PDIA4: variants seen among roughly 807,000 people sequenced by gnomAD.
The protein encoded by PDIA4 is protein disulfide-isomerase A4.
A neutral mutation model predicts 62.1 loss-of-function variants in PDIA4; 33 were observed. That is an observed-to-expected ratio of 0.53 (90% CI 0.40 to 0.71). The LOEUF (loss-of-function observed/expected upper bound fraction) is 0.71, where lower values mean the gene tolerates loss of function less well. PDIA4 is among the 30% of genes least tolerant of loss of function. PDIA4 has a pLI of 0.00. For missense variants in PDIA4, 804 were observed against 813.6 expected (o/e 0.99, Z 0.14); for synonymous variants, 341 against 324.1 (o/e 1.05, Z -0.56).
At chr7:149,010,430 G>C (rs561917660) in intron 6 of PDIA4, among the ~76,000 whole-genome samples, 1 of 151,946 alleles carries the variant, frequency 6.6e-6, no homozygotes, top group Non-Finnish European at 1.5e-5. Flanking sequence ...GGAGGTCAAG[G>C]CTGCAGTGAG....
At chr7:149,008,596 G>C (rs1356894124) in intron 6 of PDIA4, among the ~76,000 whole-genome samples, 2 of 152,086 alleles carry the variant, frequency 1.3e-5, no homozygotes, top group Admixed American at 1.3e-4. Flanking sequence ...CCAACTACTT[G>C]GGAGGCTGAG....
intron 4 of PDIA4, among the ~76,000 whole-genome samples, chr7:149,013,176 G>A (rs560746789): frequency 3.3e-5 from 5 of 151,946 alleles, no homozygotes; most frequent in African/African-American, 1.2e-4. Context: ...TGAACCCAGG[G>A]GGCGGAGGTT....
At chr7:149,028,241 G>A (rs1824629345) in intron 1 of PDIA4, 80 bp downstream of exon 1, 4 of 1,060,756 alleles carry the variant, frequency 3.8e-6, no homozygotes, top group Non-Finnish European at 5.3e-6. Flanking sequence ...CCCGCCCGCC[G>A]GGGTCGCAGG....
In PDIA4 at chr7:149,014,900, T is replaced by A; in HGVS notation, c.614+4A>T. ...AATATGGAAAGGGCCTGACACCACC[T>A]TACCATGGGGCATAAAACTCCACCA... On this transcript the variant is annotated splice_donor_region_variant and intron_variant, in intron 4 of 9. Transcript: ENST00000652332. The A allele has an allele frequency of 3.1e-6, 5 of 1,613,980 alleles. No individual in the cohort carries two copies. Among genetic ancestry groups the A allele is most frequent in the Non-Finnish European group, 4.2e-6 (5 of 1,179,880 alleles).
At chr7:149,025,081 A>AT in intron 1 of PDIA4, among the ~76,000 whole-genome samples, 1 of 24,106 alleles carries the variant, frequency 4.1e-5, no homozygotes, top group East Asian at 6.4e-4. Flanking sequence ...AAAAAAAAAA[A>AT]AAAAATATAT....
At chr7:149,006,725 A>T (rs1823770132) in intron 7 of PDIA4, among the ~76,000 whole-genome samples, 2 of 152,154 alleles carry the variant, frequency 1.3e-5, no homozygotes, top group African/African-American at 4.8e-5. Flanking sequence ...ACAGCACTGG[A>T]GGGTGGGATG....
chr7:149,017,082 C>CA (rs1824162073), intron 3 of PDIA4, among the ~76,000 whole-genome samples: 1 of 152,128 alleles, frequency 6.6e-6, no homozygotes, highest in Non-Finnish European at 1.5e-5. Flanking sequence ...GATGAGATGC[C>CA]AAGGCCTGGC....
chr7:149,005,499 A>G (rs752808799), intron 8 of PDIA4, 125 bp from the exon 9 acceptor site: 12 of 656,126 alleles, frequency 1.8e-5, no homozygotes, highest in Non-Finnish European at 3.2e-5. Flanking sequence ...GATTTACCTC[A>G]ATTGGAGGGA....
Position 149,005,883 on chromosome 7 carries a change from T to TG in PDIA4, c.1288+13dup. 5.4e-6 allele frequency: 8 copies of TG among 1,490,974 alleles called. No individual in the cohort carries two copies. The highest frequency in any genetic ancestry group is 7.1e-6 in the Non-Finnish European group (8 of 1,127,760). 92.4% of individuals were successfully genotyped at this position (1,490,974 alleles called of 1,614,324 possible). A position where few individuals can be genotyped will look rare whatever the true frequency, so the allele number is the denominator to read the frequency against. On this transcript the variant is annotated intron_variant, in intron 8 of 9. Coordinates refer to ENST00000652332, the MANE Select transcript of PDIA4 (RefSeq NM_004911.5). ...CACCCCCCACCCCCGCAGGTCTTGG[T>TG]GGGGGTCCCTCACCAGCTCTGTAAT...
intron 6 of PDIA4, among the ~76,000 whole-genome samples, chr7:149,009,754 A>G (rs1327110152): frequency 6.6e-6 from 1 of 152,198 alleles, no homozygotes; most frequent in East Asian, 1.9e-4. Flanking sequence ...GTGTGGACAA[A>G]GCTGTGTTCC....
intron 2 of PDIA4, 49 bp downstream of exon 2, chr7:149,020,918 A>G (rs374118119): frequency 1.4e-5 from 22 of 1,592,530 alleles, no homozygotes; most frequent in Non-Finnish European, 1.9e-5. Context: ...GGCTGAGCGA[A>G]TGGAGCACAG....
chr7:149,021,576 G>A (rs139319519), intron 1 of PDIA4, among the ~76,000 whole-genome samples: 217 of 150,708 alleles, frequency 1.4e-3, no homozygotes, highest in African/African-American at 5.2e-3. Context: ...GGCCCACCAC[G>A]TCATTGGCTG....
chr7:149,004,150 T>C lies in PDIA4; in HGVS notation c.1582A>G (p.Lys528Glu). 1.2e-6 allele frequency: 2 copies of C among 1,614,144 alleles called. No homozygotes were observed. Among genetic ancestry groups the C allele is most frequent in the Non-Finnish European group, 1.7e-6 (2 of 1,180,022 alleles). The change falls in exon 10 of 10, where the codon AAG (lysine) becomes GAG (glutamate). Residue 528 changes from lysine to glutamate, a missense_variant. Physicochemically the swap from Lys to Glu is moderately conservative, Grantham distance 56 (BLOSUM62 1). Coordinates refer to ENST00000652332, the MANE Select transcript of PDIA4 (RefSeq NM_004911.5). ...PVPKNNKGPV[K>E]VVVGKTFDSI... ...TCAAAGGTCTTTCCCACCACGACCT[T>C]GACGGGTCCCTTGTTGTTCTTGGGC...
At chr7:149,019,727 C>T (rs1824276580) in intron 2 of PDIA4, among the ~76,000 whole-genome samples, 2 of 152,192 alleles carry the variant, frequency 1.3e-5, no homozygotes, top group South Asian at 4.1e-4. Flanking sequence ...ACAAGAATTG[C>T]TTGAACCCAG....
chr7:149,025,651 G>A (rs1027524819), intron 1 of PDIA4, among the ~76,000 whole-genome samples: 1 of 152,108 alleles, frequency 6.6e-6, no homozygotes, highest in African/African-American at 2.4e-5. Flanking sequence ...TTAGCGGAGG[G>A]TCCTGACCAC....
chr7:149,022,171 C>A (rs1219720748), intron 1 of PDIA4, among the ~76,000 whole-genome samples: 3 of 152,094 alleles, frequency 2.0e-5, no homozygotes, highest in Non-Finnish European at 4.4e-5. Context: ...TAAAAAATAG[C>A]CCTTCAGGTT....
rs1323398150 is a variant in PDIA4, at chr7:149,024,597, G to A, written c.89-3450C>T. The stretch of plus-strand genomic sequence containing the variant: ...TGGGAGGCTGAGACGGGCAGATCAC[G>A]AGGTCAGGAGATTAAGACCCTCCTG... On this transcript the variant is annotated intron_variant, in intron 1 of 9. Transcript: ENST00000652332. 2.6e-5 allele frequency among the ~76,000 whole-genome samples: 4 copies of A among 151,752 alleles called. No homozygotes were observed. The South Asian group carries it at 6.2e-4, about 24-fold the overall frequency.
chr7:149,019,924 T>A lies in PDIA4; in HGVS notation c.270-727A>T, dbSNP rs998410935. Reference sequence around the variant, plus strand: ...CTCACTTCTTAAGAATGTTAAGGTCTCTTTGAACTAAAAAGTATGAAATCT... The same window carrying A: ...CTCACTTCTTAAGAATGTTAAGGTCACTTTGAACTAAAAAGTATGAAATCT... On this transcript the variant is annotated intron_variant, in intron 2 of 9. Transcript: ENST00000652332. Among the ~76,000 whole-genome samples, 4 of 152,204 alleles carry A rather than the reference T, an allele frequency of 2.6e-5. No homozygotes were observed. The East Asian group carries it at 7.7e-4, about 29-fold the overall frequency.
At chr7:149,016,084 C>CAGG (rs1362418485) in intron 3 of PDIA4, among the ~76,000 whole-genome samples, 1 of 152,168 alleles carries the variant, frequency 6.6e-6, no homozygotes, top group Admixed American at 6.6e-5. Flanking sequence ...CATGGGTGGT[C>CAGG]AGGAGTTCAA....
Sources: allele counts gnomAD v4.1 joint callset (sites outside exome capture counted in the v4.1 genomes callset), GRCh38; gene constraint gnomAD v4.1.1; transcripts MANE v1.5; gene names NCBI Gene and HGNC (gene_info 2026-07-23, HGNC 2026-07-21).